ECE1: variants seen among roughly 807,000 people sequenced by gnomAD.
ECE1 encodes endothelin converting enzyme 1.
ECE1 carries 35 observed loss-of-function variants against 98.6 expected under a neutral mutation model. The observed-to-expected ratio is 0.35, with a 90% CI of 0.27 to 0.47. The LOEUF is 0.47. ECE1 is among the 20% of genes least tolerant of loss of function. The probability of loss-of-function intolerance (pLI) is 1.00; values close to 1 mark genes in which losing one functional copy is unlikely to be tolerated. For synonymous variants in ECE1, 394 were observed against 407.1 expected, an observed-to-expected ratio of 0.97 and a Z score of 0.39; for missense variants, 814 against 1,025.3, an observed-to-expected ratio of 0.79 and a Z score of 2.81.
At chr1:21,245,865 C>T (rs934824410) in intron 9 of ECE1, among the ~76,000 whole-genome samples, 3 of 152,070 alleles carry the variant, frequency 2.0e-5, no homozygotes, top group Admixed American at 2.0e-4. Context: ...AAAAAGACCA[C>T]ATATTAGAAA....
intron 3 of ECE1, among the ~76,000 whole-genome samples, chr1:21,274,621 G>A (rs1398373661): frequency 6.6e-6 from 1 of 152,182 alleles, no homozygotes; most frequent in Non-Finnish European, 1.5e-5. Context: ...AGCTAGTATG[G>A]GCAGTGTTCC....
chr1:21,295,960 A>T (rs1164212458), intron 1 of ECE1, among the ~76,000 whole-genome samples: 1 of 152,134 alleles, frequency 6.6e-6, no homozygotes, highest in Non-Finnish European at 1.5e-5. Context: ...ACTGCCTGGC[A>T]TCCAGCAGCC....
intron 1 of ECE1, among the ~76,000 whole-genome samples, chr1:21,304,415 G>A (rs1308453328): frequency 6.6e-6 from 1 of 151,296 alleles, no homozygotes; most frequent in Non-Finnish European, 1.5e-5. Flanking sequence ...CCTCTGGACA[G>A]GCCACGAGTC....
chr1:21,297,443 C>T (rs1433747575), intron 1 of ECE1, among the ~76,000 whole-genome samples: 1 of 152,082 alleles, frequency 6.6e-6, no homozygotes, highest in Non-Finnish European at 1.5e-5. Flanking sequence ...CCCCGGTGAC[C>T]CCCTGACCCC....
At chr1:21,293,182 C>T (rs1638253548), upstream of ECE1, 1 of 152,104 alleles carries the variant, frequency 6.6e-6, no homozygotes, top group Non-Finnish European at 1.5e-5. Flanking sequence ...GAGAATGAAA[C>T]TGAGGCTTGG....
At chr1:21,308,515 G>C (rs1015162027) in intron 1 of ECE1, among the ~76,000 whole-genome samples, 3 of 152,118 alleles carry the variant, frequency 2.0e-5, no homozygotes, top group Non-Finnish European at 4.4e-5. Flanking sequence ...GAGCTCTGGC[G>C]TGTGTTCCAG....
At chr1:21,302,774 G>A (rs961109807) in intron 1 of ECE1, among the ~76,000 whole-genome samples, 5 of 152,168 alleles carry the variant, frequency 3.3e-5, no homozygotes, top group Non-Finnish European at 5.9e-5. Context: ...AGGTGATGAC[G>A]GAAATGTAGC....
intron 3 of ECE1, among the ~76,000 whole-genome samples, chr1:21,278,572 A>G (rs2098250345): frequency 6.6e-6 from 1 of 152,214 alleles, no homozygotes; most frequent in African/African-American, 2.4e-5. Context: ...ACTCTATCTC[A>G]GTGCCTCAGT....
At chr1:21,315,811 A>AAAAAC in intron 1 of ECE1, among the ~76,000 whole-genome samples, 1 of 151,460 alleles carries the variant, frequency 6.6e-6, no homozygotes, top group African/African-American at 2.4e-5. Flanking sequence ...AAAAAAAAAA[A>AAAAAC]AGCTGGCCCT....
In ECE1 at chr1:21,235,803, T is replaced by C. The variant is rs376064484; in HGVS notation, c.1566+47A>G. 17 of 1,598,314 alleles carry C rather than the reference T, an allele frequency of 1.1e-5. No homozygotes were observed. The Admixed American group carries it at 1.2e-4, about 11-fold the overall frequency. On this transcript the variant is annotated intron_variant, in intron 13 of 18. Transcript: ENST00000374893. The surrounding 1 kb of genome is among the most constrained non-coding windows in gnomAD (Gnocchi z 4.2). ...ACCCAGCCCTGCCTCGGCCCTTTTC[T>C]AAGGGGGCATTTAGGAACGCAAGGG...
rs569672869 is a variant in ECE1, at chr1:21,329,041, G to A, written c.3+16335C>T. On this transcript the variant is annotated intron_variant, in intron 1 of 18. Transcript: ENST00000415912. ...TTTGCATCCATTCCCCCTACCAGGC[G>A]ATGTTCTGATGGCTGAAGTGACCAA... Among the ~76,000 whole-genome samples the A allele has an allele frequency of 3.0e-4, 45 of 152,230 alleles. 1 individual carries two copies. The highest frequency in any genetic ancestry group is 8.4e-4 in the African/African-American group (35 of 41,526).
intron 4 of ECE1, among the ~76,000 whole-genome samples, chr1:21,262,082 C>T (rs2098227726): frequency 6.6e-6 from 1 of 152,166 alleles, no homozygotes; most frequent in Admixed American, 6.5e-5. Flanking sequence ...TTTCACTGAT[C>T]AGAGCATCGA....
intron 3 of ECE1, among the ~76,000 whole-genome samples, chr1:21,275,222 T>C (rs2098245163): frequency 6.6e-6 from 1 of 152,070 alleles, no homozygotes; most frequent in Non-Finnish European, 1.5e-5. Flanking sequence ...GACAGACTGA[T>C]TAATTAACTG....
intron 10 of ECE1, among the ~76,000 whole-genome samples, chr1:21,240,756 C>G (rs1035045052): frequency 6.6e-6 from 1 of 152,168 alleles, no homozygotes; most frequent in South Asian, 2.1e-4. Flanking sequence ...TGGCCGAGGC[C>G]GACCACACAG....
At chr1:21,297,529 T>C (rs932643502) in intron 1 of ECE1, among the ~76,000 whole-genome samples, 12 of 124,354 alleles carry the variant, frequency 9.6e-5, no homozygotes, top group African/African-American at 4.3e-4. Flanking sequence ...TTTTTCTTTT[T>C]CTTTTTTTTT....
intron 1 of ECE1, among the ~76,000 whole-genome samples, chr1:21,334,274 C>G (rs1177373467): frequency 1.3e-5 from 2 of 152,244 alleles, no homozygotes; most frequent in East Asian, 3.8e-4. Context: ...TCCTGTGACT[C>G]TGTGAGCTCT....
intron 2 of ECE1, among the ~76,000 whole-genome samples, chr1:21,289,319 C>T (rs1285483119): frequency 6.6e-6 from 1 of 152,164 alleles, no homozygotes; most frequent in African/African-American, 2.4e-5. Context: ...CTCCAAACCC[C>T]TCCAGCACTG....
At chr1:21,221,181 T>C (rs1173752696) in intron 18 of ECE1, among the ~76,000 whole-genome samples, 1 of 152,068 alleles carries the variant, frequency 6.6e-6, no homozygotes, top group African/African-American at 2.4e-5. Flanking sequence ...TCTGGGATGA[T>C]CACAGCAAGA....
At chr1:21,306,043 C>G (rs1558425052) in intron 1 of ECE1, among the ~76,000 whole-genome samples, 1 of 152,224 alleles carries the variant, frequency 6.6e-6, no homozygotes, top group Non-Finnish European at 1.5e-5. Context: ...TCTCCACATC[C>G]AGCCATATGG....
Sources: allele counts gnomAD v4.1 joint callset (sites outside exome capture counted in the v4.1 genomes callset), GRCh38; gene constraint gnomAD v4.1.1; non-coding constraint Gnocchi (gnomAD v3.1); transcripts MANE v1.5; gene names NCBI Gene and HGNC (gene_info 2026-07-23, HGNC 2026-07-21).